SEPTIN9: variants seen among roughly 807,000 people sequenced by gnomAD.
The protein encoded by SEPTIN9 is septin-9.
Under a neutral mutation model 56.6 loss-of-function variants are expected in SEPTIN9, and 13 were observed. The observed-to-expected ratio is 0.23, with a 90% confidence interval of 0.15 to 0.37. SEPTIN9 has a LOEUF of 0.37. Ranked by LOEUF, SEPTIN9 falls within the 10% of genes least tolerant of loss-of-function variation. The pLI is 1.00. For synonymous variants in SEPTIN9, 332 were observed against 334.1 expected, an observed-to-expected ratio of 0.99 and a Z score of 0.07; for missense variants, 650 against 823.1, an observed-to-expected ratio of 0.79 and a Z score of 2.57.
chr17:77,387,447 G>T (rs1030174117), intron 2 of SEPTIN9, among the ~76,000 whole-genome samples: 1 of 152,176 alleles, frequency 6.6e-6, no homozygotes, highest in Admixed American at 6.5e-5. Flanking sequence ...ACATTCACAG[G>T]TCCGAGGGCT....
intron 2 of SEPTIN9, among the ~76,000 whole-genome samples, chr17:77,364,117 ACACT>A (rs1300858200): frequency 1.3e-5 from 2 of 152,174 alleles, no homozygotes; most frequent in Non-Finnish European, 2.9e-5. Flanking sequence ...GCTTCCAGAG[ACACT>A]CAGGGTGGGG....
chr17:77,328,300 G>GAGGTTA (rs1158045913), intron 2 of SEPTIN9, among the ~76,000 whole-genome samples: 11 of 152,356 alleles, frequency 7.2e-5, no homozygotes, highest in African/African-American at 2.6e-4. Flanking sequence ...TCCTTTGGTT[G>GAGGTTA]AGTTCATCTT....
In SEPTIN9 at chr17:77,367,430, T is replaced by C. The variant is rs1453958164; in HGVS notation, c.77-34629T>C. 6.6e-6 allele frequency among the ~76,000 whole-genome samples: 1 copy of C among 152,194 alleles called. No individual in the cohort carries two copies. Among genetic ancestry groups the C allele is most frequent in the African/African-American group, 2.4e-5 (1 of 41,442 alleles). Reference sequence around the variant, plus strand: ...CTGCAAAGGAAACTGCGCTTTGTCATTGCACAGGATCGAACAGGTGTGTGT... The same window carrying C: ...CTGCAAAGGAAACTGCGCTTTGTCACTGCACAGGATCGAACAGGTGTGTGT... On this transcript the variant is annotated intron_variant, in intron 2 of 11. Coordinates refer to ENST00000427177, the MANE Select transcript of SEPTIN9 (RefSeq NM_001113491.2). The surrounding 1 kb of genome is among the most constrained non-coding windows in gnomAD (Gnocchi z 4.5).
At chr17:77,420,391 G>A (rs1238444595) in intron 3 of SEPTIN9, among the ~76,000 whole-genome samples, 1 of 152,198 alleles carries the variant, frequency 6.6e-6, no homozygotes, top group African/African-American at 2.4e-5. Flanking sequence ...CCCCTACTGG[G>A]CTGCGTCATG....
intron 10 of SEPTIN9, among the ~76,000 whole-genome samples, chr17:77,494,066 C>T (rs374390597): frequency 2.1e-4 from 32 of 152,304 alleles, no homozygotes; most frequent in South Asian, 1.9e-3. Context: ...AATGAGCCAC[C>T]GAGCCTGCCC....
intron 2 of SEPTIN9, chr17:77,380,037 C>T (rs2035080616): frequency 6.4e-6 from 1 of 156,668 alleles, no homozygotes; most frequent in Admixed American, 6.5e-5. Flanking sequence ...CAAACAGACC[C>T]ACCAGTTGGC....
At chr17:77,391,969 A>G (rs2035556293) in intron 2 of SEPTIN9, among the ~76,000 whole-genome samples, 1 of 152,240 alleles carries the variant, frequency 6.6e-6, no homozygotes, top group African/African-American at 2.4e-5. Flanking sequence ...ACAGGGACCC[A>G]GGCCTGCCAG....
intron 3 of SEPTIN9, among the ~76,000 whole-genome samples, chr17:77,439,747 C>T (rs1317622775): frequency 1.3e-5 from 2 of 152,212 alleles, no homozygotes; most frequent in Non-Finnish European, 2.9e-5. Context: ...CCCCTCCTTT[C>T]GGGCATCCTG....
intron 2 of SEPTIN9, among the ~76,000 whole-genome samples, chr17:77,324,155 T>C (rs1240961719): frequency 2.6e-5 from 4 of 152,168 alleles, no homozygotes; most frequent in Non-Finnish European, 5.9e-5. Flanking sequence ...AATCTCCCCC[T>C]GTCTGTCTCT....
chr17:77,468,309 C>T (rs989857333), intron 3 of SEPTIN9, among the ~76,000 whole-genome samples: 1 of 152,004 alleles, frequency 6.6e-6, no homozygotes, highest in Non-Finnish European at 1.5e-5. Context: ...CTGAGGAACC[C>T]AGTGTAGATG....
In SEPTIN9 at chr17:77,281,856, G is replaced by A. The variant is rs573158522; in HGVS notation, c.19+302G>A. The A allele has an allele frequency of 2.2e-4, 96 of 436,172 alleles. 1 individual carries two copies. Among genetic ancestry groups the A allele is most frequent in the African/African-American group, 1.9e-3 (92 of 47,952 alleles). 27.0% of individuals were successfully genotyped at this position (436,172 alleles called of 1,614,324 possible). Reference sequence around the variant, plus strand: ...AATCGCTGACTTTCCAGGTCGGCCGGGTGCTTTGGGTCCCTGTGCGTCTGT... The same window carrying A: ...AATCGCTGACTTTCCAGGTCGGCCGAGTGCTTTGGGTCCCTGTGCGTCTGT... On this transcript the variant is annotated intron_variant, in intron 1 of 11. Coordinates refer to ENST00000427177, the MANE Select transcript of SEPTIN9 (RefSeq NM_001113491.2).
rs771558861 is a variant in SEPTIN9 at position 77,490,794 on chromosome 17, A to G, written c.1315A>G (p.Ile439Val). Residue 439 changes from isoleucine to valine, a missense_variant, in exon 8 of 12, where the codon ATC (isoleucine) becomes GTC (valine). By Grantham distance (29) the Ile-to-Val change is conservative. Transcript: ENST00000427177. Reference protein sequence around the residue: ...FMKRLSKVVNIVPVIAKADTL... With the variant: ...FMKRLSKVVNVVPVIAKADTL... ...GAAACGCCTGAGCAAGGTGGTCAAC[A>G]TCGTCCCTGTCATCGCCAAGGCGGA... The G allele has an allele frequency of 1.9e-6, 3 of 1,595,724 alleles. No individual in the cohort carries two copies. The highest frequency in any genetic ancestry group is 1.7e-4 in the Middle Eastern group (1 of 6,036).
Position 77,475,687 on chromosome 17 carries a change from C to T in SEPTIN9, c.722-6457C>T, listed in dbSNP as rs777778634. 33 of 1,613,504 alleles carry T rather than the reference C, an allele frequency of 2.0e-5. No homozygotes were observed. Among genetic ancestry groups the T allele is most frequent in the Middle Eastern group, 3.3e-4 (2 of 6,084 alleles). ...GGAGACTGCTGGGCCCACGCTGGGCCGGGGTGGATGGAGGCAAGGAAGTCT... is the reference window on the plus strand; with the variant it reads ...GGAGACTGCTGGGCCCACGCTGGGCTGGGGTGGATGGAGGCAAGGAAGTCT... On this transcript the variant is annotated intron_variant, in intron 3 of 11. Coordinates refer to ENST00000427177, the MANE Select transcript of SEPTIN9 (RefSeq NM_001113491.2). The surrounding 1 kb of genome is among the most constrained non-coding windows in gnomAD (Gnocchi z 4.6).
At chr17:77,480,625 C>G (rs1409330028) in intron 3 of SEPTIN9, among the ~76,000 whole-genome samples, 1 of 152,194 alleles carries the variant, frequency 6.6e-6, no homozygotes, top group East Asian at 1.9e-4. Context: ...GGGGGATGAG[C>G]CCCCTGCAGC....
At chr17:77,463,888 C>T (rs964133770) in intron 3 of SEPTIN9, among the ~76,000 whole-genome samples, 17 of 152,034 alleles carry the variant, frequency 1.1e-4, no homozygotes, top group African/African-American at 4.1e-4. Flanking sequence ...TAGTAATTCT[C>T]GATCGCTGAA....
intron 1 of SEPTIN9, among the ~76,000 whole-genome samples, chr17:77,295,111 G>A (rs371509589): frequency 6.6e-6 from 1 of 152,204 alleles, no homozygotes; most frequent in Non-Finnish European, 1.5e-5. Context: ...AATGTGACGG[G>A]CAGGAACTCA....
At chr17:77,386,521 C>G (rs568524930) in intron 2 of SEPTIN9, among the ~76,000 whole-genome samples, 1 of 152,230 alleles carries the variant, frequency 6.6e-6, no homozygotes, top group Non-Finnish European at 1.5e-5. Flanking sequence ...GGTGGGGGTA[C>G]CTTGCTCAGC....
chr17:77,479,570 T>C (rs1010600696), intron 3 of SEPTIN9, among the ~76,000 whole-genome samples: 1 of 152,238 alleles, frequency 6.6e-6, no homozygotes, highest in Non-Finnish European at 1.5e-5. Context: ...CGTTGTATTA[T>C]TATTTCTCAA....
At chr17:77,488,678 G>A (rs1306632747) in intron 6 of SEPTIN9, 49 bp from the exon 7 acceptor site, 2 of 1,611,298 alleles carry the variant, frequency 1.2e-6, no homozygotes, top group South Asian at 2.2e-5. Flanking sequence ...CGACCTGCTT[G>A]GGGAGGGCAT....
Sources: allele counts gnomAD v4.1 joint callset (sites outside exome capture counted in the v4.1 genomes callset), GRCh38; gene constraint gnomAD v4.1.1; non-coding constraint Gnocchi (gnomAD v3.1); transcripts MANE v1.5; gene names NCBI Gene and HGNC (gene_info 2026-07-23, HGNC 2026-07-21).